RTN3: variants seen among roughly 807,000 people sequenced by gnomAD.
RTN3 encodes the protein reticulon-3.
In RTN3, 49 loss-of-function variants were observed where a neutral mutation model predicts 77.8. The ratio of observed to expected loss-of-function variants is 0.63; its 90% CI spans 0.50 to 0.80. RTN3 has a LOEUF of 0.80. RTN3 is among the 30% of genes least tolerant of loss of function. RTN3 has a pLI of 0.00. For missense variants in RTN3, 1,236 were observed against 1,211.9 expected (o/e 1.02, Z -0.29); for synonymous variants, 464 against 446.9 (o/e 1.04, Z -0.48).
chr11:63,721,040 T>C lies in RTN3; in HGVS notation c.2530+8T>C. 6.4e-7 allele frequency: 1 copy of C among 1,574,262 alleles called. No individual in the cohort carries two copies. Among genetic ancestry groups the C allele is most frequent in the Non-Finnish European group, 8.6e-7 (1 of 1,159,972 alleles). ...TTCTGACAGACTTCTCAGGTAACCA[T>C]TTATATTAGAATACTGCATGTGGTT... is the stretch of plus-strand genomic sequence containing the variant. On this transcript the variant is annotated splice_region_variant and intron_variant, in intron 3 of 8. Coordinates refer to ENST00000377819, the MANE Select transcript of RTN3 (RefSeq NM_001265589.2).
intron 4 of RTN3, chr11:63,750,515 C>T (rs566171780): frequency 7.8e-6 from 2 of 256,342 alleles, no homozygotes; most frequent in East Asian, 1.0e-4. Flanking sequence ...TACAGTGGCG[C>T]GATCTCAGCT....
intron 2 of RTN3, among the ~76,000 whole-genome samples, chr11:63,717,793 C>T (rs2011493011): frequency 6.6e-6 from 1 of 151,720 alleles, no homozygotes; most frequent in South Asian, 2.1e-4. Context: ...GCGGGTGGAT[C>T]ACTTGAGGTC....
intron 7 of RTN3, among the ~76,000 whole-genome samples, chr11:63,755,817 G>A: frequency 6.6e-6 from 1 of 151,966 alleles, no homozygotes; most frequent in Middle Eastern, 3.4e-3. Context: ...AAATTAGCCA[G>A]GCGTGGTGGC....
At chr11:63,681,472 C>T (rs1225427156), upstream of RTN3, 2 of 667,998 alleles carry the variant, frequency 3.0e-6, no homozygotes, top group Non-Finnish European at 2.2e-6. Flanking sequence ...GCGCTCCCGC[C>T]CTCTAGCTGC....
At chr11:63,752,384 A>G (rs2014151935) in intron 4 of RTN3, 123 bp from the exon 5 acceptor site, 2 of 878,828 alleles carry the variant, frequency 2.3e-6, no homozygotes, top group Non-Finnish European at 3.6e-6. Flanking sequence ...GATGACAACA[A>G]AAAAATGCTC....
At chr11:63,695,619 C>G (rs1941897868) in intron 1 of RTN3, among the ~76,000 whole-genome samples, 3 of 152,210 alleles carry the variant, frequency 2.0e-5, no homozygotes, top group Non-Finnish European at 4.4e-5. Flanking sequence ...TCTTGATATG[C>G]TGTGATGAGC....
intron 3 of RTN3, among the ~76,000 whole-genome samples, chr11:63,744,636 C>T (rs185557236): frequency 1.5e-4 from 23 of 152,214 alleles, no homozygotes; most frequent in Admixed American, 1.3e-3. Flanking sequence ...GTCCACATGT[C>T]ATTTAGTACA....
intron 1 of RTN3, among the ~76,000 whole-genome samples, chr11:63,694,407 C>T (rs1225469642): frequency 6.6e-6 from 1 of 152,064 alleles, no homozygotes; most frequent in Non-Finnish European, 1.5e-5. Context: ...AACTCCTGAC[C>T]TCAGGTGATC....
intron 2 of RTN3, among the ~76,000 whole-genome samples, chr11:63,708,773 C>G (rs1942612103): frequency 6.6e-6 from 1 of 152,140 alleles, no homozygotes; most frequent in Non-Finnish European, 1.5e-5. Context: ...CAGTCTTTTG[C>G]TTATGGTTTC....
chr11:63,737,549 G>T (rs570942981), intron 3 of RTN3, among the ~76,000 whole-genome samples: 1 of 152,324 alleles, frequency 6.6e-6, no homozygotes, highest in Non-Finnish European at 1.5e-5. Context: ...GGCAGAGGTT[G>T]CAGTGAGCTG....
intron 1 of RTN3, among the ~76,000 whole-genome samples, chr11:63,700,684 A>G (rs941688476): frequency 4.0e-5 from 6 of 151,890 alleles, no homozygotes; most frequent in African/African-American, 1.2e-4. Context: ...GCTCACTGCA[A>G]CTGCCCTCTC....
chr11:63,709,359 G>A (rs1204412782), intron 2 of RTN3, among the ~76,000 whole-genome samples: 2 of 152,108 alleles, frequency 1.3e-5, no homozygotes, highest in African/African-American at 4.8e-5. Context: ...CCTTGAGAGT[G>A]GAAGCTAGAA....
chr11:63,709,698 A>G (rs1942657859), intron 2 of RTN3, among the ~76,000 whole-genome samples: 1 of 152,226 alleles, frequency 6.6e-6, no homozygotes, highest in East Asian at 1.9e-4. Context: ...CTGTGGCTGC[A>G]AGTTGTTGAT....
intron 3 of RTN3, among the ~76,000 whole-genome samples, chr11:63,744,026 G>A (rs914933337): frequency 4.0e-5 from 6 of 151,842 alleles, no homozygotes; most frequent in Admixed American, 6.6e-5. Context: ...GGCAGATCAC[G>A]AGGTCAGGAG....
At chr11:63,717,897 C>T (rs139452522) in intron 2 of RTN3, among the ~76,000 whole-genome samples, 13 of 151,820 alleles carry the variant, frequency 8.6e-5, no homozygotes, top group Non-Finnish European at 1.8e-4. Context: ...TGCCTGTAAT[C>T]CCAGCTACTT....
intron 2 of RTN3, among the ~76,000 whole-genome samples, chr11:63,709,151 A>G (rs1289776057): frequency 2.6e-5 from 4 of 152,172 alleles, no homozygotes; most frequent in African/African-American, 9.7e-5. Context: ...CAAATAAACT[A>G]GCTGTATTTT....
In RTN3 at chr11:63,719,023, G is replaced by T; in HGVS notation, c.521G>T (p.Gly174Val). Residue 174 changes from glycine (G) to valine (V), a missense_variant, in exon 3 of 9, where the codon GGT becomes GTT. By Grantham distance (109) the Gly-to-Val change is moderately radical. Around this residue, in one of 3 missense-constraint regions of RTN3, gnomAD observed 1,056 missense variants for 990.4 expected, o/e 1.07. Transcript: ENST00000377819. Reference sequence around the variant, plus strand: ...CCTGCTTTTCTCTCAAAGAAAATTGGTCAAGTGGAAGAGCAAATAGATAAA... The same window carrying T: ...CCTGCTTTTCTCTCAAAGAAAATTGTTCAAGTGGAAGAGCAAATAGATAAA... Reference protein sequence around the residue: ...EHPAFLSKKIGQVEEQIDKET... With the variant: ...EHPAFLSKKIVQVEEQIDKET... 6.2e-7 allele frequency: 1 copy of T among 1,614,162 alleles called. No individual in the cohort carries two copies. The highest frequency in any genetic ancestry group is 8.5e-7 in the Non-Finnish European group (1 of 1,180,036).
At chr11:63,728,750 G>T (rs2012458235) in intron 3 of RTN3, among the ~76,000 whole-genome samples, 1 of 151,934 alleles carries the variant, frequency 6.6e-6, no homozygotes. Flanking sequence ...TAGCCGGGGT[G>T]GCAGTGCACA....
At chr11:63,724,462 C>T (rs565086520) in intron 3 of RTN3, among the ~76,000 whole-genome samples, 2 of 143,858 alleles carry the variant, frequency 1.4e-5, no homozygotes, top group East Asian at 4.1e-4. Context: ...GGATTACAGG[C>T]GTGAGCCACC....
Sources: allele counts gnomAD v4.1 joint callset (sites outside exome capture counted in the v4.1 genomes callset), GRCh38; gene constraint gnomAD v4.1.1; regional missense constraint gnomAD v4.1.1; transcripts MANE v1.5; gene names NCBI Gene and HGNC (gene_info 2026-07-23, HGNC 2026-07-21).